Variants in ARHGAP26 observed in about 807,000 individuals in gnomAD.
ARHGAP26 encodes the protein rho GTPase-activating protein 26.
A neutral mutation model predicts 104.8 loss-of-function variants in ARHGAP26; 38 were observed. The ratio of observed to expected loss-of-function variants is 0.36; its 90% confidence interval spans 0.28 to 0.48. ARHGAP26 has a LOEUF of 0.48. Ranked by LOEUF, ARHGAP26 falls within the 20% of genes least tolerant of loss-of-function variation. The pLI is 0.99. For missense variants in ARHGAP26, 704 were observed against 947.9 expected (o/e 0.74, Z 3.38); for synonymous variants, 341 against 340.0 (o/e 1.00, Z -0.03).
At chr5:143,036,509 C>T (rs245826) in intron 12 of ARHGAP26, among the ~76,000 whole-genome samples, 1 of 152,178 alleles carries the variant, frequency 6.6e-6, no homozygotes, top group African/African-American at 2.4e-5. Flanking sequence ...GTTCTTGGCT[C>T]TTTTAATTTT....
intron 17 of ARHGAP26, among the ~76,000 whole-genome samples, chr5:143,115,563 C>A (rs777240513): frequency 6.6e-6 from 1 of 151,774 alleles, no homozygotes; most frequent in African/African-American, 2.4e-5. Context: ...GGATACCAAG[C>A]GAAACTACCA....
intron 11 of ARHGAP26, among the ~76,000 whole-genome samples, chr5:143,001,372 G>A (rs1407700625): frequency 2.0e-5 from 3 of 152,196 alleles, no homozygotes; most frequent in Non-Finnish European, 4.4e-5. Context: ...GATGATATGT[G>A]TTCTGAAATG....
chr5:142,936,769 G>A (rs751667231), intron 11 of ARHGAP26, among the ~76,000 whole-genome samples: 1 of 151,524 alleles, frequency 6.6e-6, no homozygotes, highest in Admixed American at 6.6e-5. Flanking sequence ...CAGTTCAATG[G>A]AGGAAGGATA....
chr5:143,007,060 A>G (rs948239876), intron 11 of ARHGAP26, among the ~76,000 whole-genome samples: 3 of 151,940 alleles, frequency 2.0e-5, no homozygotes, highest in Non-Finnish European at 4.4e-5. Flanking sequence ...AATACAAAAA[A>G]TTAGCCAGGT....
chr5:143,155,041 G>A (rs1434501609), intron 20 of ARHGAP26, among the ~76,000 whole-genome samples: 1 of 152,088 alleles, frequency 6.6e-6, no homozygotes, highest in African/African-American at 2.4e-5. Flanking sequence ...TTTCCTTTTA[G>A]ATGGAGAATT....
chr5:142,783,072 T>C (rs1757842835), intron 1 of ARHGAP26, among the ~76,000 whole-genome samples: 1 of 152,112 alleles, frequency 6.6e-6, no homozygotes, highest in South Asian at 2.1e-4. Context: ...ACATTAGGTC[T>C]AAATAGGTCA....
At chr5:142,991,803 ATGAT>A (rs1235381890) in intron 11 of ARHGAP26, among the ~76,000 whole-genome samples, 1 of 152,168 alleles carries the variant, frequency 6.6e-6, no homozygotes, top group Non-Finnish European at 1.5e-5. Context: ...AGTGCACTCT[ATGAT>A]GTTTGTAGGG....
rs894085382 is a variant in ARHGAP26 at position 143,147,113 on chromosome 5, C to T, written c.1838-118C>T. On this transcript the variant is annotated intron_variant, in intron 19 of 22. Transcript: ENST00000645722. ...AACCTTTTCTATGTTGTTTCTTAAGCTTCCCTGGGATCAGAGATCTTGATC... is the reference window on the plus strand; with the variant it reads ...AACCTTTTCTATGTTGTTTCTTAAGTTTCCCTGGGATCAGAGATCTTGATC... 3.8e-5 allele frequency: 47 copies of T among 1,228,336 alleles called. No homozygotes were observed. The African/African-American group carries it at 6.1e-4, about 16-fold the overall frequency. 76.1% of individuals were successfully genotyped at this position (1,228,336 alleles called of 1,614,324 possible). A position where few individuals can be genotyped will look rare whatever the true frequency, so the allele number is the denominator to read the frequency against.
chr5:142,914,293 G>A (rs1762208395), intron 10 of ARHGAP26, among the ~76,000 whole-genome samples: 1 of 152,218 alleles, frequency 6.6e-6, no homozygotes, highest in African/African-American at 2.4e-5. Context: ...TGCCCCCTTA[G>A]CCTTTATCAG....
At chr5:142,874,164 T>C (rs1429350106) in intron 2 of ARHGAP26, among the ~76,000 whole-genome samples, 5 of 152,176 alleles carry the variant, frequency 3.3e-5, no homozygotes, top group South Asian at 2.1e-4. Flanking sequence ...GGGTTACTGT[T>C]TATCACCACG....
In ARHGAP26 at chr5:142,854,937, C is replaced by T. The variant is rs530431966; in HGVS notation, c.155-18463C>T. ...AACTGGATGTGCTGTTCAAAGGACCCCCCAGTCCCTTTTGTTCTCCTTCAG... is the reference window on the plus strand; with the variant it reads ...AACTGGATGTGCTGTTCAAAGGACCTCCCAGTCCCTTTTGTTCTCCTTCAG... On this transcript the variant is annotated intron_variant, in intron 1 of 22. Transcript: ENST00000645722. Among the ~76,000 whole-genome samples, 34 of 152,244 alleles carry T rather than the reference C, an allele frequency of 2.2e-4. No individual in the cohort carries two copies. In the South Asian group the frequency reaches 4.4e-3, roughly 20 times the overall value.
chr5:143,073,954 CCTTTTGTCTGCTTTTGCTCCCTGA>C (rs1277699296), intron 17 of ARHGAP26, among the ~76,000 whole-genome samples: 1 of 152,182 alleles, frequency 6.6e-6, no homozygotes, highest in East Asian at 1.9e-4. Flanking sequence ...AAACAGAATC[CCTTTTGTCTGCTTTTGCTCCCTGA>C]CTTTTGTCTG....
At chr5:142,771,275 A>G in intron 1 of ARHGAP26, 1 of 1,244,296 alleles carries the variant, frequency 8.0e-7, no homozygotes. Context: ...TCGTGTCCAC[A>G]GCTCCAGCTC....
At chr5:142,971,159 T>G (rs1422366906) in intron 11 of ARHGAP26, among the ~76,000 whole-genome samples, 1 of 152,196 alleles carries the variant, frequency 6.6e-6, no homozygotes, top group African/African-American at 2.4e-5. Flanking sequence ...ATTTGGTACA[T>G]ATTCTAAGTA....
At chr5:143,053,031 A>G (rs1785262704) in intron 14 of ARHGAP26, among the ~76,000 whole-genome samples, 1 of 152,194 alleles carries the variant, frequency 6.6e-6, no homozygotes, top group Admixed American at 6.5e-5. Flanking sequence ...CTCATATGAT[A>G]AGAAGGAGAG....
chr5:143,077,426 C>T (rs1026920809), intron 17 of ARHGAP26, among the ~76,000 whole-genome samples: 2 of 152,080 alleles, frequency 1.3e-5, no homozygotes, highest in Admixed American at 6.5e-5. Context: ...CATAGAAAAC[C>T]CCAGCACCGG....
chr5:143,164,556 A>G (rs942837301), intron 20 of ARHGAP26, among the ~76,000 whole-genome samples: 1 of 152,116 alleles, frequency 6.6e-6, no homozygotes, highest in African/African-American at 2.4e-5. Context: ...TCCATGGCTG[A>G]TTTTTCTACC....
intron 20 of ARHGAP26, among the ~76,000 whole-genome samples, chr5:143,183,101 A>AAT (rs1490539838): frequency 2.0e-5 from 3 of 147,690 alleles, no homozygotes; most frequent in African/African-American, 5.1e-5. Flanking sequence ...AGAAAAAAAA[A>AAT]CCTCATTTCC....
chr5:142,953,715 T>G (rs527752596), intron 11 of ARHGAP26, among the ~76,000 whole-genome samples: 44 of 152,328 alleles, frequency 2.9e-4, no homozygotes, highest in African/African-American at 1.1e-3. Flanking sequence ...GTAAAACTTA[T>G]GGAGTGCCAA....
Sources: gnomAD v4.1 joint callset for allele counts (sites outside exome capture counted in the v4.1 genomes callset) on GRCh38, gnomAD v4.1.1 for gene constraint, MANE v1.5 for transcripts, NCBI Gene and HGNC (gene_info 2026-07-23, HGNC 2026-07-21) for gene names.